The following LTBP3 variants were observed in gnomAD, a reference collection of about 807,000 sequenced individuals.
LTBP3 encodes latent-transforming growth factor beta-binding protein 3.
In LTBP3, 97 loss-of-function variants were observed where a neutral mutation model predicts 159.7. That is an observed-to-expected ratio of 0.61 (90% CI 0.52 to 0.72). The LOEUF (loss-of-function observed/expected upper bound fraction) is 0.72, where lower values mean the gene tolerates loss of function less well. LTBP3 is among the 30% of genes least tolerant of loss of function. The pLI is 0.00. For missense variants in LTBP3, 1,584 were observed against 1,864.3 expected (o/e 0.85, Z 2.77); for synonymous variants, 824 against 777.1 (o/e 1.06, Z -1.00).
Position 65,539,198 on chromosome 11 carries a change from C to A in LTBP3, c.3794G>T (p.Gly1265Val), listed in dbSNP as rs1169995972. ...IDECRELNQRGLLCKSERCVN... is the reference protein window; with the variant it reads ...IDECRELNQRVLLCKSERCVN... ...GCAGCGCTCGCTCTTGCACAGCAGC[C>A]CGCGCTGGTTCAGCTCTCGGCACTC... Residue 1265 changes from glycine to valine, a missense_variant, in exon 28 of 28, where the codon GGG becomes GTG. By Grantham distance (109) the Gly-to-Val change is moderately radical (BLOSUM62 -3). Around this residue, in one of 6 missense-constraint regions of LTBP3, gnomAD observed 514 missense variants for 530.3 expected, o/e 0.97. Coordinates refer to ENST00000301873, the MANE Select transcript of LTBP3 (RefSeq NM_001130144.3). 1.3e-6 allele frequency: 2 copies of A among 1,525,124 alleles called. No homozygotes were observed. Among genetic ancestry groups the A allele is most frequent in the Non-Finnish European group, 1.8e-6 (2 of 1,132,518 alleles). The allele number at this position is 1,525,124 out of a possible 1,614,324, so 94.5% of individuals were successfully genotyped here. A position where few individuals can be genotyped will look rare whatever the true frequency, so the allele number is the denominator to read the frequency against.
chr11:65,544,379 G>A (rs1414649428), intron 16 of LTBP3: 1 of 152,656 alleles, frequency 6.6e-6, no homozygotes, highest in Non-Finnish European at 1.5e-5. Context: ...TGGAGCCCAG[G>A]GCTTATCATC....
intron 16 of LTBP3, chr11:65,545,053 T>G: frequency 6.2e-6 from 1 of 162,276 alleles, no homozygotes; most frequent in Non-Finnish European, 1.4e-5. Context: ...CCATGTAGGA[T>G]TAGGGGGCAG....
Position 65,553,537 on chromosome 11 carries a change from G to T in LTBP3, c.865-7C>A. 1 of 1,564,270 alleles carries T rather than the reference G, an allele frequency of 6.4e-7. No homozygotes were observed. On this transcript the variant is annotated splice_polypyrimidine_tract_variant and splice_region_variant and intron_variant, in intron 3 of 27. Coordinates refer to ENST00000301873, the MANE Select transcript of LTBP3 (RefSeq NM_001130144.3). The surrounding 1 kb of genome is among the most constrained non-coding windows in gnomAD (Gnocchi z 6.5). ...GGAGGGGGTTGCTGCCACACTAGGG[G>T]AAGGAGGGGGAGGTGGGGTCACAGA...
In LTBP3 at chr11:65,551,145, G is replaced by A; in HGVS notation, c.1701C>T (p.Ile567=). Reference sequence around the variant, plus strand: ...CCTTACCTGTGACCTGAGTGGGAGCGATCTCTACGGCGCTGCGGGAAGGAG... The same window carrying A: ...CCTTACCTGTGACCTGAGTGGGAGCAATCTCTACGGCGCTGCGGGAAGGAG... ...DLPPSRSAVE[I]APTQVTETDE... Residue 567 remains isoleucine (I), a synonymous_variant, in exon 11 of 28, where the codon ATC becomes ATT. Transcript: ENST00000301873. 6.4e-7 allele frequency: 1 copy of A among 1,553,704 alleles called. No individual in the cohort carries two copies. The highest frequency in any genetic ancestry group is 1.2e-5 in the South Asian group (1 of 84,244).
At chr11:65,542,976 A>ATG (rs1565091712) in intron 18 of LTBP3, 129 bp downstream of exon 18, 29 of 943,830 alleles carry the variant, frequency 3.1e-5, no homozygotes, top group East Asian at 2.7e-4. Context: ...ATGGATGGAT[A>ATG]GATGGATGGA....
intron 10 of LTBP3, 48 bp downstream of exon 10, chr11:65,551,354 C>T (rs1856606053): frequency 6.2e-7 from 1 of 1,601,580 alleles, no homozygotes; most frequent in South Asian, 1.1e-5. Context: ...TCCCCGCCCA[C>T]CCAGTGATTT....
chr11:65,551,839 TG>T, intron 8 of LTBP3, 132 bp downstream of exon 8: 1 of 1,105,200 alleles, frequency 9.0e-7, no homozygotes, highest in South Asian at 1.3e-5. Flanking sequence ...GAGGGTCAGG[TG>T]GGAGGTCAGT....
At position 65,547,772 on chromosome 11, in the gene LTBP3, G is replaced by A. The variant is rs755613096; in HGVS notation, c.1896C>T (p.Cys632=). Residue 632 remains cysteine, a synonymous_variant, in exon 13 of 28, where the codon TGC becomes TGT. Transcript: ENST00000301873. This position sits in a 1 kb window ranked among gnomAD's most constrained non-coding sequence, Gnocchi z 4.6. ...AEPCGPGRGI[C]MNTGGSYNCH... ...AATTGTAGGAGCCGCCGGTGTTCATGCAGATGCCCCTCCCCGGGCCACAGG... is the reference window on the plus strand; with the variant it reads ...AATTGTAGGAGCCGCCGGTGTTCATACAGATGCCCCTCCCCGGGCCACAGG... 1.2e-6 allele frequency: 2 copies of A among 1,612,374 alleles called. No individual in the cohort carries two copies. Among genetic ancestry groups the A allele is most frequent in the East Asian group, 4.5e-5 (2 of 44,854 alleles).
rs367847726 is a variant in LTBP3 at position 65,548,058 on chromosome 11, C to T, written c.1721-13G>A. The T allele has an allele frequency of 3.0e-5, 49 of 1,613,628 alleles. No individual in the cohort carries two copies. The highest frequency in any genetic ancestry group is 4.2e-5 in the Non-Finnish European group (49 of 1,179,996). On this transcript the variant is annotated splice_polypyrimidine_tract_variant and intron_variant, in intron 11 of 27. Coordinates refer to ENST00000301873, the MANE Select transcript of LTBP3 (RefSeq NM_001130144.3). The stretch of plus-strand genomic sequence containing the variant: ...CACTCATCAGTCTCTGCGGGCATGG[C>T]CAGGTCAAGCGGCAGAGCAGGGAGC...
Position 65,552,776 on chromosome 11 carries a change from C to T in LTBP3, c.1186+84G>A, listed in dbSNP as rs1856657878. ...TGTTCCTCCTGCAGTCAACCCTTAACCCCACTCTGATCTCTTGCGATCTCT... is the reference window on the plus strand; with the variant it reads ...TGTTCCTCCTGCAGTCAACCCTTAATCCCACTCTGATCTCTTGCGATCTCT... On this transcript the variant is annotated intron_variant, in intron 6 of 27. Transcript: ENST00000301873. The surrounding 1 kb of genome is among the most constrained non-coding windows in gnomAD (Gnocchi z 6.0). 3.8e-6 allele frequency: 6 copies of T among 1,599,192 alleles called. No homozygotes were observed. The highest frequency in any genetic ancestry group is 1.7e-5 in the Admixed American group (1 of 59,898).
Position 65,557,981 on chromosome 11 carries a change from G to C in LTBP3, c.-22C>G. 1 of 1,131,972 alleles carries C rather than the reference G, an allele frequency of 8.8e-7. No individual in the cohort carries two copies. The highest frequency in any genetic ancestry group is 1.1e-6 in the Non-Finnish European group (1 of 925,908). The allele number at this position is 1,131,972 out of a possible 1,614,324, so 70.1% of individuals were successfully genotyped here. On this transcript the variant is annotated 5_prime_UTR_variant, in exon 1 of 28. Transcript: ENST00000301873. Reference sequence around the variant, plus strand: ...GCATCCGGGGCCGCAGGACCCGGGGGAGGGGGGGCGCGCCCGGGCGGGGCG... The same window carrying C: ...GCATCCGGGGCCGCAGGACCCGGGGCAGGGGGGGCGCGCCCGGGCGGGGCG...
intron 18 of LTBP3, chr11:65,542,819 CACTA>C (rs1322731343): frequency 3.9e-5 from 17 of 437,582 alleles, no homozygotes; most frequent in African/African-American, 3.0e-4. Flanking sequence ...ACCACGATAG[CACTA>C]ACTGTCATGT....
In LTBP3 at chr11:65,539,499, C is replaced by T. The variant is rs760121257; in HGVS notation, c.3629-40G>A. 3 of 1,596,430 alleles carry T rather than the reference C, an allele frequency of 1.9e-6. No individual in the cohort carries two copies. The East Asian group carries it at 6.9e-5, about 37-fold the overall frequency. On this transcript the variant is annotated intron_variant, in intron 26 of 27. Coordinates refer to ENST00000301873, the MANE Select transcript of LTBP3 (RefSeq NM_001130144.3). ...ACAATATGGACTTCAACACTGAGCC[C>T]CGGCCAAAGGCTACCAACCCCGCCA...
Position 65,552,377 on chromosome 11 carries a change from AAC to A in LTBP3, c.1214_1215del (p.Cys405PhefsTer7). 1 of 1,613,892 alleles carries A rather than the reference AAC, an allele frequency of 6.2e-7. No individual in the cohort carries two copies. The highest frequency in any genetic ancestry group is 8.5e-7 in the Non-Finnish European group (1 of 1,179,954). On this transcript the variant is annotated frameshift_variant, in exon 7 of 28. Coordinates refer to ENST00000301873, the MANE Select transcript of LTBP3 (RefSeq NM_001130144.3). LOFTEE classifies it high-confidence loss of function. The surrounding 1 kb of genome is among the most constrained non-coding windows in gnomAD (Gnocchi z 6.0). ...TGGTGCTCAGGGCTCACCAGGCGGA[AAC>A]ACAGGCTCTTCTCCTCCGGTTTGTC... ...IADKPEEKSL[C>X]FRLVSPEHQC... is the part of the protein sequence containing the mutation.
intron 10 of LTBP3, 60 bp downstream of exon 10, chr11:65,551,327 GTACTTAAACTGTGAA>G: frequency 6.4e-7 from 1 of 1,566,234 alleles, no homozygotes; most frequent in Non-Finnish European, 8.6e-7. Context: ...CTGTCCCCGA[GTACTTAAACTGTGAA>G]CTCCCCGCCC....
At chr11:65,543,685 T>C (rs1282013548) in intron 16 of LTBP3, 136 bp from the exon 17 acceptor site, 9 of 1,177,638 alleles carry the variant, frequency 7.6e-6, no homozygotes, top group East Asian at 2.4e-5. Flanking sequence ...CTCACCCTGC[T>C]TCTGGGTGGC....
rs774401389 is a variant in LTBP3, at chr11:65,546,788, C to T, written c.2230+10G>A. ...GGCCCCACCCACTCGGCTCCGGGCCCCGCCCTCACCGCGACAGGCCCCGCC... is the reference window on the plus strand; with the variant it reads ...GGCCCCACCCACTCGGCTCCGGGCCTCGCCCTCACCGCGACAGGCCCCGCC... On this transcript the variant is annotated intron_variant, in intron 15 of 27. Coordinates refer to ENST00000301873, the MANE Select transcript of LTBP3 (RefSeq NM_001130144.3). This position sits in a 1 kb window ranked among gnomAD's most constrained non-coding sequence, Gnocchi z 4.0. 1.9e-6 allele frequency: 3 copies of T among 1,600,146 alleles called. No homozygotes were observed. The highest frequency in any genetic ancestry group is 2.5e-6 in the Non-Finnish European group (3 of 1,179,126).
In LTBP3 at chr11:65,547,816, T is replaced by G; in HGVS notation, c.1852A>C (p.Asn618His). 1 of 1,613,284 alleles carries G rather than the reference T, an allele frequency of 6.2e-7. No homozygotes were observed. ...CCACAGGGCTCTGCCTCGCACTCGT[T>G]CACATCTGAGAAGAACGGGTAGGCC... ...HPQHRYCVDV[N>H]ECEAEPCGPG... is the part of the protein sequence containing the mutation. Residue 618 changes from asparagine (N) to histidine (H), a missense_variant, in exon 13 of 28, where the codon AAC becomes CAC. Physicochemically the swap from Asn to His is moderately conservative, Grantham distance 68. Transcript: ENST00000301873. This position sits in a 1 kb window ranked among gnomAD's most constrained non-coding sequence, Gnocchi z 4.6.
intron 11 of LTBP3, chr11:65,548,966 T>G (rs1434158669): frequency 1.3e-5 from 2 of 152,198 alleles, no homozygotes; most frequent in Non-Finnish European, 2.9e-5. Context: ...CTTGTGCTTT[T>G]GAAGCCCACA....
Sources: gnomAD v4.1 joint callset for allele counts on GRCh38, gnomAD v4.1.1 for gene constraint, gnomAD v4.1.1 regional missense constraint, Gnocchi (gnomAD v3.1) non-coding constraint, MANE v1.5 for transcripts, NCBI Gene and HGNC (gene_info 2026-07-23, HGNC 2026-07-21) for gene names.